Variants in LIN7A observed in about 807,000 individuals in gnomAD.
LIN7A encodes the protein protein lin-7 homolog A.
Under a neutral mutation model 29.8 loss-of-function variants are expected in LIN7A, and 25 were observed. The ratio of observed to expected loss-of-function variants is 0.84; its 90% CI spans 0.61 to 1.17. LIN7A has a LOEUF of 1.17. Among genes scored for constraint, LIN7A ranks in the 50% most tolerant of loss-of-function variants. LIN7A has a pLI of 0.00. For synonymous variants in LIN7A, 118 were observed against 107.5 expected, an observed-to-expected ratio of 1.10 and a Z score of -0.60; for missense variants, 239 against 287.0, an observed-to-expected ratio of 0.83 and a Z score of 1.21.
chr12:80,902,159 C>T (rs1018018712), intron 1 of LIN7A, among the ~76,000 whole-genome samples: 4 of 150,692 alleles, frequency 2.7e-5, no homozygotes, highest in Admixed American at 6.6e-5. Flanking sequence ...GAAGATCAGA[C>T]GATTGTAGGT....
chr12:80,853,868 A>AT (rs1441491513), intron 2 of LIN7A, among the ~76,000 whole-genome samples: 1 of 151,862 alleles, frequency 6.6e-6, no homozygotes, highest in East Asian at 1.9e-4. Context: ...ATTTTTTTGT[A>AT]TTTTTAATAG....
At chr12:80,820,956 G>C (rs544039739) in intron 4 of LIN7A, among the ~76,000 whole-genome samples, 2 of 152,234 alleles carry the variant, frequency 1.3e-5, no homozygotes, top group African/African-American at 4.8e-5. Flanking sequence ...TGTTGTGACC[G>C]CCAGTTCTCA....
intron 2 of LIN7A, among the ~76,000 whole-genome samples, chr12:80,874,840 C>T (rs918002028): frequency 6.6e-6 from 1 of 152,008 alleles, no homozygotes; most frequent in East Asian, 1.9e-4. Flanking sequence ...AAAAATTAGC[C>T]GGGCATTGTG....
intron 2 of LIN7A, among the ~76,000 whole-genome samples, chr12:80,877,091 C>T (rs1208653617): frequency 7.4e-6 from 1 of 135,304 alleles, no homozygotes; most frequent in Non-Finnish European, 1.6e-5. Flanking sequence ...CACTGCACTC[C>T]AGCCTAGCCA....
intron 1 of LIN7A, among the ~76,000 whole-genome samples, chr12:80,900,642 G>T (rs543401685): frequency 1.3e-5 from 2 of 152,218 alleles, no homozygotes; most frequent in Admixed American, 1.3e-4. Context: ...TATGATGTTG[G>T]TTTTTTAATT....
At chr12:80,829,665 T>C (rs969876870) in intron 4 of LIN7A, among the ~76,000 whole-genome samples, 7 of 152,154 alleles carry the variant, frequency 4.6e-5, no homozygotes, top group African/African-American at 9.7e-5. Context: ...CAGAGAGTAA[T>C]CAGTTGACCT....
intron 2 of LIN7A, among the ~76,000 whole-genome samples, chr12:80,864,047 G>T (rs1431242546): frequency 1.3e-5 from 2 of 152,010 alleles, no homozygotes; most frequent in Non-Finnish European, 2.9e-5. Flanking sequence ...AAAATAAAAA[G>T]ATTTGTTAAA....
At chr12:80,848,460 T>A (rs902749258) in intron 2 of LIN7A, 138 bp from the exon 3 acceptor site, 5 of 630,798 alleles carry the variant, frequency 7.9e-6, no homozygotes, top group African/African-American at 5.5e-5. Context: ...TGTTTGGGAA[T>A]GTACCTGATA....
intron 3 of LIN7A, 136 bp downstream of exon 3, chr12:80,848,115 G>A (rs749713314): frequency 1.4e-5 from 10 of 720,968 alleles, no homozygotes; most frequent in Non-Finnish European, 2.5e-5. Context: ...AGTAGTACTG[G>A]TTCTAGACTC....
In LIN7A at chr12:80,796,821, C is replaced by T. The variant is rs1350218540; in HGVS notation, c.*906G>A. On this transcript the variant is annotated 3_prime_UTR_variant, in exon 6 of 6. Coordinates refer to ENST00000552864, the MANE Select transcript of LIN7A (RefSeq NM_004664.4). ...TGTTTATCAATCAAAAAGTATAAAACTCAAAAAATATTGAGAGTGGGTTTA... is the reference window on the plus strand; with the variant it reads ...TGTTTATCAATCAAAAAGTATAAAATTCAAAAAATATTGAGAGTGGGTTTA... The T allele has an allele frequency of 2.0e-5, 3 of 151,984 alleles. No homozygotes were observed. Among genetic ancestry groups the T allele is most frequent in the Non-Finnish European group, 2.9e-5 (2 of 67,974 alleles). The allele number at this position is 151,984 out of a possible 1,614,324, so 9.4% of individuals were successfully genotyped here.
intron 4 of LIN7A, among the ~76,000 whole-genome samples, chr12:80,827,076 T>A (rs1872114172): frequency 6.6e-6 from 1 of 152,122 alleles, no homozygotes; most frequent in East Asian, 1.9e-4. Flanking sequence ...TTCCCATATA[T>A]GCAAAATGGC....
At chr12:80,863,574 A>G (rs761285744) in intron 2 of LIN7A, among the ~76,000 whole-genome samples, 4 of 152,208 alleles carry the variant, frequency 2.6e-5, no homozygotes, top group Non-Finnish European at 4.4e-5. Context: ...TGTCCTAATG[A>G]CCATAATGGC....
At chr12:80,807,083 T>TGTTTGTTTGTTTTTG (rs1871067479) in intron 5 of LIN7A, among the ~76,000 whole-genome samples, 2 of 137,250 alleles carry the variant, frequency 1.5e-5, no homozygotes, top group Middle Eastern at 3.6e-3. Flanking sequence ...TTTTTTTTTT[T>TGTTTGTTTGTTTTTG]TTTTTTTTGA....
chr12:80,897,212 C>A (rs1272523682), intron 1 of LIN7A, among the ~76,000 whole-genome samples: 1 of 151,402 alleles, frequency 6.6e-6, no homozygotes, highest in African/African-American at 2.4e-5. Context: ...TTTTTTTCTC[C>A]TTATTATTTG....
At chr12:80,899,877 C>T (rs1876116491) in intron 1 of LIN7A, among the ~76,000 whole-genome samples, 1 of 148,946 alleles carries the variant, frequency 6.7e-6, no homozygotes, top group Non-Finnish European at 1.5e-5. Context: ...ACGCCATTCT[C>T]CTGCCTCAGC....
At chr12:80,823,188 G>A (rs1297732251) in intron 4 of LIN7A, among the ~76,000 whole-genome samples, 1 of 152,208 alleles carries the variant, frequency 6.6e-6, no homozygotes, top group Non-Finnish European at 1.5e-5. Flanking sequence ...CTTGGGACCT[G>A]CCAAATGGCA....
chr12:80,817,870 GAAATGA>G (rs919447809), intron 4 of LIN7A, among the ~76,000 whole-genome samples: 3 of 151,974 alleles, frequency 2.0e-5, no homozygotes, highest in Admixed American at 6.6e-5. Flanking sequence ...AACTAATCCC[GAAATGA>G]AATACATGGA....
intron 1 of LIN7A, among the ~76,000 whole-genome samples, chr12:80,920,310 G>T (rs1175094857): frequency 6.6e-6 from 1 of 152,106 alleles, no homozygotes; most frequent in Admixed American, 6.6e-5. Flanking sequence ...ATATGTAAAA[G>T]CCATTTTTAA....
intron 1 of LIN7A, among the ~76,000 whole-genome samples, chr12:80,922,922 G>T (rs1455915742): frequency 6.6e-6 from 1 of 152,004 alleles, no homozygotes; most frequent in Admixed American, 6.6e-5. Flanking sequence ...TACTAACCTT[G>T]GCTTCAGGCA....
Sources: allele counts gnomAD v4.1 joint callset (sites outside exome capture counted in the v4.1 genomes callset), GRCh38; gene constraint gnomAD v4.1.1; transcripts MANE v1.5; gene names NCBI Gene and HGNC (gene_info 2026-07-23, HGNC 2026-07-21).